Variants in FRMPD4 observed in about 807,000 individuals in gnomAD.
FRMPD4 encodes FERM and PDZ domain-containing protein 4.
In FRMPD4, 22 loss-of-function variants were observed where a neutral mutation model predicts 94.1. That is an observed-to-expected ratio of 0.23 (90% confidence interval 0.17 to 0.33). The LOEUF (loss-of-function observed/expected upper bound fraction) is 0.33. FRMPD4 is among the 10% of genes least tolerant of loss of function. The probability of loss-of-function intolerance (pLI) is 1.00; values close to 1 mark genes in which losing one functional copy is unlikely to be tolerated. For missense variants in FRMPD4, 1,111 were observed against 1,339.9 expected (o/e 0.83, Z 2.67); for synonymous variants, 631 against 548.6 (o/e 1.15, Z -2.10).
intron 1 of FRMPD4, among the ~76,000 whole-genome samples, chrX:12,486,039 G>A (rs2057736245): frequency 8.9e-6 from 1 of 111,774 alleles, no homozygotes; most frequent in South Asian, 3.8e-4. Context: ...CTTGACCTGG[G>A]TCTCCCAAGA....
chrX:11,887,327 CA>C (rs2053851034), intron 3 of FRMPD4, among the ~76,000 whole-genome samples: 1 of 111,419 alleles, frequency 9.0e-6, no homozygotes, highest in African/African-American at 3.3e-5. Flanking sequence ...TCAGGGAGAA[CA>C]ATTGTTCTGA....
In FRMPD4 at chrX:11,996,939, C is replaced by T. The variant is rs1449430981; in HGVS notation, c.95+118921C>T. Among the ~76,000 whole-genome samples the T allele has an allele frequency of 3.6e-5, 4 of 111,413 alleles. No homozygotes were observed. The Admixed American group carries it at 3.8e-4, about 11-fold the overall frequency. On this transcript the variant is annotated intron_variant, in intron 3 of 18. Coordinates refer to the FRMPD4 transcript ENST00000640291. ...GTAGGAATGTATAGTCCTTGCAGCT[C>T]TAAAAAGTCTGGAGAGGGTGATTAC...
At chrX:12,228,282 C>T (rs2056946521) in intron 1 of FRMPD4, among the ~76,000 whole-genome samples, 1 of 112,224 alleles carries the variant, frequency 8.9e-6, no homozygotes, top group Non-Finnish European at 1.9e-5. Flanking sequence ...CCTAAACGCA[C>T]CTGAATATAG....
intron 3 of FRMPD4, among the ~76,000 whole-genome samples, chrX:12,131,288 T>C (rs1353469002): frequency 8.9e-6 from 1 of 112,221 alleles, no homozygotes; most frequent in Non-Finnish European, 1.9e-5. Flanking sequence ...TTTCTGATAT[T>C]GGATTTGTTC....
At chrX:12,545,725 G>A (rs1314509630) in intron 2 of FRMPD4, among the ~76,000 whole-genome samples, 3 of 112,457 alleles carry the variant, frequency 2.7e-5, no homozygotes, top group East Asian at 5.5e-4. Context: ...GATGTTTAAC[G>A]GTAAACTGCA....
At chrX:12,341,813 A>G (rs2055619179) in intron 1 of FRMPD4, among the ~76,000 whole-genome samples, 1 of 112,411 alleles carries the variant, frequency 8.9e-6, no homozygotes, top group Admixed American at 9.5e-5. Context: ...CTTTAAAAAA[A>G]AAGTCCCTTT....
chrX:12,613,743 T>C (rs1003263017), intron 3 of FRMPD4, among the ~76,000 whole-genome samples: 1 of 112,055 alleles, frequency 8.9e-6, no homozygotes, highest in Non-Finnish European at 1.9e-5. Context: ...TTTGGGAGGC[T>C]GAGGCGGGTG....
At chrX:12,063,044 T>C (rs1569151537) in intron 3 of FRMPD4, among the ~76,000 whole-genome samples, 1 of 112,237 alleles carries the variant, frequency 8.9e-6, no homozygotes, top group Non-Finnish European at 1.9e-5. Context: ...GAGTGATGTT[T>C]ACCATAGATT....
At chrX:12,220,690 T>C (rs1255257780) in intron 1 of FRMPD4, among the ~76,000 whole-genome samples, 1 of 112,174 alleles carries the variant, frequency 8.9e-6, no homozygotes, top group Non-Finnish European at 1.9e-5. Flanking sequence ...ATATTTTCTT[T>C]GTTACAAGTT....
chrX:12,450,954 A>G (rs2057262200), intron 1 of FRMPD4, among the ~76,000 whole-genome samples: 1 of 102,553 alleles, frequency 9.8e-6, no homozygotes, highest in South Asian at 4.6e-4. Flanking sequence ...CTTATTCAGG[A>G]AAAAAAAAAA....
chrX:12,439,848 G>C (rs184224386), intron 1 of FRMPD4, among the ~76,000 whole-genome samples: 18 of 111,578 alleles, frequency 1.6e-4, no homozygotes, highest in African/African-American at 3.6e-4. Flanking sequence ...GTTGTTAACC[G>C]TTGGAACCTT....
At chrX:12,050,427 C>A (rs2147450628) in intron 3 of FRMPD4, among the ~76,000 whole-genome samples, 1 of 111,418 alleles carries the variant, frequency 9.0e-6, no homozygotes, top group East Asian at 2.8e-4. Context: ...TATCATATAA[C>A]CGAGGTGTGA....
intron 2 of FRMPD4, among the ~76,000 whole-genome samples, chrX:12,524,354 G>C (rs73438786): frequency 0.041 from 4,608 of 111,418 alleles, 205 homozygotes; most frequent in African/African-American, 0.14. Context: ...CATTTAGCAT[G>C]AGTGACTTCA....
At chrX:12,536,381 A>G (rs1195209572) in intron 2 of FRMPD4, among the ~76,000 whole-genome samples, 1 of 110,798 alleles carries the variant, frequency 9.0e-6, no homozygotes, top group Non-Finnish European at 1.9e-5. Flanking sequence ...CTTGATTATC[A>G]CAGGACAAAA....
At chrX:12,522,359 G>A (rs1242831204) in intron 2 of FRMPD4, among the ~76,000 whole-genome samples, 3 of 111,287 alleles carry the variant, frequency 2.7e-5, no homozygotes, top group Non-Finnish European at 3.8e-5. Flanking sequence ...CAGTGCACTT[G>A]AGTTGCTGTT....
intron 8 of FRMPD4, among the ~76,000 whole-genome samples, chrX:12,690,631 T>C (rs1477425901): frequency 8.9e-6 from 1 of 112,368 alleles, no homozygotes; most frequent in Non-Finnish European, 1.9e-5. Flanking sequence ...TGTTCACCTG[T>C]TTTGGTCAAC....
chrX:12,514,988 T>C (rs2058081382), intron 2 of FRMPD4, among the ~76,000 whole-genome samples: 1 of 112,047 alleles, frequency 8.9e-6, no homozygotes, highest in African/African-American at 3.2e-5. Context: ...CTTCTAGATT[T>C]TCTAGTTTGT....
chrX:12,283,327 T>G, intron 1 of FRMPD4, among the ~76,000 whole-genome samples: 1 of 113,095 alleles, frequency 8.8e-6, no homozygotes, highest in Non-Finnish European at 1.9e-5. Flanking sequence ...TCTAAGTGAG[T>G]GTTTTTCAAG....
At chrX:12,330,624 T>G (rs754987284) in intron 1 of FRMPD4, among the ~76,000 whole-genome samples, 1 of 111,637 alleles carries the variant, frequency 9.0e-6, no homozygotes, top group East Asian at 2.8e-4. Context: ...TTTTCCCTAG[T>G]GGTCGGTGGA....
Sources: gnomAD v4.1 joint callset for allele counts (sites outside exome capture counted in the v4.1 genomes callset) on GRCh38, gnomAD v4.1.1 for gene constraint, MANE v1.5 for transcripts, NCBI Gene and HGNC (gene_info 2026-07-23, HGNC 2026-07-21) for gene names.